The following OR51E2 variants were observed in gnomAD, a reference collection of about 807,000 sequenced individuals.
OR51E2 encodes the protein olfactory receptor family 51 subfamily E member 2, also known as olfactory receptor 51E2.
A neutral mutation model predicts 13.7 loss-of-function variants in OR51E2; 14 were observed. The ratio of observed to expected loss-of-function variants is 1.02; its 90% CI spans 0.68 to 1.60. The LOEUF (loss-of-function observed/expected upper bound fraction) is 1.60, where lower values mean the gene tolerates loss of function less well. OR51E2 is among the 40% of genes most tolerant of loss of function. The probability of loss-of-function intolerance (pLI) is 0.00; values close to 1 mark genes in which losing one functional copy is unlikely to be tolerated. For missense variants in OR51E2, 483 were observed against 413.8 expected, an observed-to-expected ratio of 1.17 and a Z score of -1.45; for synonymous variants, 180 against 157.6, an observed-to-expected ratio of 1.14 and a Z score of -1.07.
chr11:4,685,822 T>G (rs1167509700), intron 1 of OR51E2: 1 of 152,226 alleles, frequency 6.6e-6, no homozygotes, highest in East Asian at 1.9e-4. Context: ...CAGTACCTCA[T>G]GATGCTTGAT....
intron 1 of OR51E2, chr11:4,690,344 C>T (rs555642769): frequency 2.0e-5 from 3 of 152,590 alleles, no homozygotes; most frequent in East Asian, 1.9e-4. Flanking sequence ...AAATGGCAAT[C>T]GAAATTACTA....
intron 1 of OR51E2, among the ~76,000 whole-genome samples, chr11:4,684,623 AAG>A (rs1286957786): frequency 2.0e-5 from 3 of 152,166 alleles, no homozygotes; most frequent in East Asian, 1.9e-4. Context: ...GACAGATAAC[AAG>A]AGTCTTTATT....
At position 4,681,425 on chromosome 11, in the gene OR51E2, G is replaced by C; in HGVS notation, c.*324C>G. The C allele has an allele frequency of 3.7e-6, 1 of 272,734 alleles. No individual in the cohort carries two copies. 16.9% of individuals were successfully genotyped at this position (272,734 alleles called of 1,614,324 possible). A position where few individuals can be genotyped will look rare whatever the true frequency, so the allele number is the denominator to read the frequency against. On this transcript the variant is annotated 3_prime_UTR_variant, in exon 2 of 2. Transcript: ENST00000396950. ...AAAGAAAAAAGAGAGAGAAAGTAGG[G>C]ACAACACTAAATCATTAGTAATTTG... is the stretch of plus-strand genomic sequence containing the variant.
chr11:4,684,335 G>C (rs937548389), intron 1 of OR51E2, among the ~76,000 whole-genome samples: 1 of 152,202 alleles, frequency 6.6e-6, no homozygotes, highest in Non-Finnish European at 1.5e-5. Flanking sequence ...CCTTTAGTGA[G>C]ATACAAGATA....
intron 1 of OR51E2, among the ~76,000 whole-genome samples, chr11:4,685,595 T>C (rs2066821602): frequency 6.6e-6 from 1 of 152,216 alleles, no homozygotes; most frequent in Non-Finnish European, 1.5e-5. Flanking sequence ...TCAAAGCTGC[T>C]CTTCATTGCT....
intron 1 of OR51E2, among the ~76,000 whole-genome samples, chr11:4,695,933 A>G (rs1452338080): frequency 2.6e-5 from 4 of 152,112 alleles, no homozygotes; most frequent in Non-Finnish European, 5.9e-5. Flanking sequence ...ATGGCTTTAA[A>G]TAGCACTTAT....
chr11:4,684,100 C>T lies in OR51E2; in HGVS notation c.-50-1339G>A, dbSNP rs376378655. Among the ~76,000 whole-genome samples, 139 of 152,206 alleles carry T rather than the reference C, an allele frequency of 9.1e-4. 1 individual carries two copies. The highest frequency in any genetic ancestry group is 3.3e-3 in the African/African-American group (135 of 41,530). On this transcript the variant is annotated intron_variant, in intron 1 of 1. Coordinates refer to ENST00000396950, the MANE Select transcript of OR51E2 (RefSeq NM_030774.4). Reference sequence around the variant, plus strand: ...AAAGTACAATATGATAAAATTAGTACAAAGAGATTTGAACTGGATTCTCCC... The same window carrying T: ...AAAGTACAATATGATAAAATTAGTATAAAGAGATTTGAACTGGATTCTCCC...
Position 4,681,914 on chromosome 11 carries a change from G to A in OR51E2, c.798C>T (p.Ser266=). 1.2e-6 allele frequency: 2 copies of A among 1,614,206 alleles called. No individual in the cohort carries two copies. Among genetic ancestry groups the A allele is most frequent in the Non-Finnish European group, 8.5e-7 (1 of 1,180,042 alleles). ...TGACAACACGCACAATGGGATGAAG[G>A]CTGTTTCCAAAGCGGTGTACCACTG... ...GLSVVHRFGN[S]LHPIVRVVMG... is the part of the protein sequence containing the mutation. The change falls in exon 2 of 2, where the codon AGC becomes AGT. Residue 266 remains serine, a synonymous_variant. Coordinates refer to ENST00000396950, the MANE Select transcript of OR51E2 (RefSeq NM_030774.4).
intron 1 of OR51E2, chr11:4,691,074 C>T (rs1847572099): frequency 6.6e-6 from 3 of 456,624 alleles, no homozygotes; most frequent in South Asian, 1.5e-5. Context: ...TAAGTCTACA[C>T]CAACAGTAGA....
At chr11:4,687,927 T>C (rs898218592) in intron 1 of OR51E2, among the ~76,000 whole-genome samples, 2 of 152,128 alleles carry the variant, frequency 1.3e-5, no homozygotes, top group Admixed American at 1.3e-4. Flanking sequence ...GGTCAGGGGA[T>C]TCTTTGCTGG....
In OR51E2 at chr11:4,682,004, G is replaced by A. The variant is rs763641872; in HGVS notation, c.708C>T (p.Ala236=). 3 of 1,614,236 alleles carry A rather than the reference G, an allele frequency of 1.9e-6. No individual in the cohort carries two copies. The South Asian group carries it at 3.3e-5, about 18-fold the overall frequency. Residue 236 remains alanine, a synonymous_variant, in exon 2 of 2, where the codon GCC becomes GCT. Transcript: ENST00000396950. ...CAATGTGTGACACACAGGTTCCAAA[G>A]GCCTTGGCCCGCTCTGACTTGGAAG... The part of the protein sequence containing the change: ...QLPSKSERAK[A]FGTCVSHIGV...
At chr11:4,691,582 G>T in intron 1 of OR51E2, 1 of 456,818 alleles carries the variant, frequency 2.2e-6, no homozygotes, top group African/African-American at 2.0e-5. Context: ...TTTCCCAAGA[G>T]AGCAGTTACA....
intron 1 of OR51E2, among the ~76,000 whole-genome samples, chr11:4,686,236 G>A (rs1847514339): frequency 6.6e-6 from 1 of 152,162 alleles, no homozygotes; most frequent in Non-Finnish European, 1.5e-5. Flanking sequence ...GATTTTTATA[G>A]GAACTTGAGA....
At chr11:4,690,541 T>C (rs1356476496) in intron 1 of OR51E2, 1 of 221,198 alleles carries the variant, frequency 4.5e-6, no homozygotes, top group Admixed American at 5.3e-5. Context: ...AATTTTAGGC[T>C]GTTCATCTCT....
intron 1 of OR51E2, among the ~76,000 whole-genome samples, chr11:4,683,918 T>C (rs751471688): frequency 1.3e-5 from 2 of 152,238 alleles, no homozygotes; most frequent in Non-Finnish European, 2.9e-5. Flanking sequence ...TGATGCAGTG[T>C]CTTCATTGAT....
chr11:4,696,098 G>A (rs1847652921), intron 1 of OR51E2, among the ~76,000 whole-genome samples: 1 of 152,100 alleles, frequency 6.6e-6, no homozygotes. Flanking sequence ...AATCAAACCT[G>A]TAATTTAGAA....
Position 4,682,668 on chromosome 11 carries a change from C to T in OR51E2, c.44G>A (p.Gly15Asp). 1.9e-6 allele frequency: 3 copies of T among 1,614,106 alleles called. No homozygotes were observed. Among genetic ancestry groups the T allele is most frequent in the Non-Finnish European group, 2.5e-6 (3 of 1,179,992 alleles). ...ATGGGCTTTCTCTAATCCTGGGATA[C>T]CAATAAGCACAAAGGTGGCATGTGT... ...NFTHATFVLI[G>D]IPGLEKAHFW... The change falls in exon 2 of 2, where the codon GGT becomes GAT. Residue 15 changes from glycine (G) to aspartate (D), a missense_variant. Gly to Asp is a moderately conservative substitution (Grantham distance 94, BLOSUM62 -1). Transcript: ENST00000396950.
intron 1 of OR51E2, chr11:4,691,201 G>C (rs1448587480): frequency 4.4e-6 from 2 of 456,802 alleles, no homozygotes; most frequent in East Asian, 1.4e-4. Flanking sequence ...CAGTAGGAAA[G>C]TCTTATAAGA....
Position 4,681,719 on chromosome 11 carries a change from T to G in OR51E2, c.*30A>C. 1 of 1,606,074 alleles carries G rather than the reference T, an allele frequency of 6.2e-7. No individual in the cohort carries two copies. Among genetic ancestry groups the G allele is most frequent in the Non-Finnish European group, 8.5e-7 (1 of 1,173,460 alleles). On this transcript the variant is annotated 3_prime_UTR_variant, in exon 2 of 2. Coordinates refer to ENST00000396950, the MANE Select transcript of OR51E2 (RefSeq NM_030774.4). ...GAAATAATTATGTTTATCAAGCCAA[T>G]AAAGATAAGGAGAAGTGTAGTGTTA...
Sources: allele counts gnomAD v4.1 joint callset (sites outside exome capture counted in the v4.1 genomes callset), GRCh38; gene constraint gnomAD v4.1.1; transcripts MANE v1.5; gene names NCBI Gene and HGNC (gene_info 2026-07-23, HGNC 2026-07-21).